The following SOX5 variants were observed in gnomAD, a reference collection of about 807,000 sequenced individuals.
The protein encoded by SOX5 is transcription factor SOX-5.
SOX5 carries 9 observed loss-of-function variants against 92.0 expected under a neutral mutation model. The observed-to-expected ratio is 0.10, with a 90% confidence interval of 0.06 to 0.17. The LOEUF is 0.17. SOX5 is among the 10% of genes least tolerant of loss of function. SOX5 has a pLI of 1.00. For missense variants in SOX5, 642 were observed against 944.5 expected, an observed-to-expected ratio of 0.68 and a Z score of 4.20; for synonymous variants, 344 against 336.3, an observed-to-expected ratio of 1.02 and a Z score of -0.25.
intron 3 of SOX5, chr12:24,213,419 T>TAAAAAAAAA (rs67296842): frequency 1.2e-4 from 12 of 96,852 alleles, no homozygotes; most frequent in Admixed American, 3.5e-4. Flanking sequence ...CTTGAAATGC[T>TAAAAAAAAA]AAAAAAAAAA....
intron 9 of SOX5, among the ~76,000 whole-genome samples, chr12:23,579,276 C>T (rs570081751): frequency 7.2e-5 from 11 of 152,032 alleles, no homozygotes; most frequent in Non-Finnish European, 1.3e-4. Context: ...AGTGCAAGGC[C>T]CCAAGGACAT....
At chr12:24,297,689 C>G (rs1244028947) in intron 2 of SOX5, among the ~76,000 whole-genome samples, 1 of 152,214 alleles carries the variant, frequency 6.6e-6, no homozygotes, top group Non-Finnish European at 1.5e-5. Context: ...TCAGGAACTA[C>G]TGCACTATGG....
At chr12:23,852,483 G>GT (rs1229033065) in intron 2 of SOX5, among the ~76,000 whole-genome samples, 2 of 151,780 alleles carry the variant, frequency 1.3e-5, no homozygotes, top group Non-Finnish European at 1.5e-5. Context: ...ACTCTTTAAT[G>GT]TTTTTTTCAA....
intron 1 of SOX5, among the ~76,000 whole-genome samples, chr12:24,511,713 C>T (rs1949322851): frequency 6.6e-6 from 1 of 152,048 alleles, no homozygotes; most frequent in South Asian, 2.1e-4. Flanking sequence ...AATCCCAGCA[C>T]TTTGGGAGGC....
chr12:24,248,173 C>G (rs1939273070), intron 3 of SOX5, among the ~76,000 whole-genome samples: 1 of 152,148 alleles, frequency 6.6e-6, no homozygotes, highest in African/African-American at 2.4e-5. Flanking sequence ...ACAGGATTTT[C>G]TAGAAATACA....
chr12:23,845,065 G>A (rs1378113653), intron 3 of SOX5, among the ~76,000 whole-genome samples: 2 of 152,178 alleles, frequency 1.3e-5, no homozygotes, highest in African/African-American at 4.8e-5. Flanking sequence ...CAGGATAACA[G>A]AATTTTGTGT....
At chr12:24,189,098 G>GTGTC (rs1956279732) in intron 4 of SOX5, among the ~76,000 whole-genome samples, 1 of 152,068 alleles carries the variant, frequency 6.6e-6, no homozygotes, top group Admixed American at 6.6e-5. Context: ...TTTCCCATGT[G>GTGTC]TGTCTGTCTG....
At chr12:24,278,538 C>A (rs969476613) in intron 2 of SOX5, among the ~76,000 whole-genome samples, 1 of 152,030 alleles carries the variant, frequency 6.6e-6, no homozygotes, top group African/African-American at 2.4e-5. Flanking sequence ...CACTGAGACT[C>A]CAGCTCTACA....
Position 24,389,365 on chromosome 12 carries a change from A to G in SOX5, c.-250-20726T>C, listed in dbSNP as rs564008625. ...TTAATCCAGTCTATCATTGTTGGAC[A>G]TTTGGGTTGGTTCCAAGTCTTTGCT... On this transcript the variant is annotated intron_variant, in intron 1 of 4. Coordinates refer to the SOX5 transcript ENST00000446891. 2.6e-5 allele frequency among the ~76,000 whole-genome samples: 4 copies of G among 152,274 alleles called. No individual in the cohort carries two copies. The East Asian group carries it at 7.7e-4, about 29-fold the overall frequency.
chr12:23,919,063 T>C (rs775399816), intron 1 of SOX5, among the ~76,000 whole-genome samples: 4 of 151,898 alleles, frequency 2.6e-5, no homozygotes, highest in African/African-American at 4.8e-5. Flanking sequence ...GAAAGGTAAT[T>C]AATAGGTAAT....
chr12:23,578,347 G>A (rs1340908581), intron 9 of SOX5, among the ~76,000 whole-genome samples: 1 of 150,246 alleles, frequency 6.7e-6, no homozygotes, highest in Non-Finnish European at 1.5e-5. Context: ...TGTTAGAAAG[G>A]CAAATTCTCT....
intron 1 of SOX5, among the ~76,000 whole-genome samples, chr12:24,446,331 T>C (rs1941472590): frequency 1.3e-5 from 2 of 152,104 alleles, no homozygotes; most frequent in Non-Finnish European, 2.9e-5. Context: ...CAAGCTGTTA[T>C]TTGAGCTAAG....
intron 4 of SOX5, among the ~76,000 whole-genome samples, chr12:24,101,123 C>T (rs12301847): frequency 0.039 from 5,888 of 152,174 alleles, 320 homozygotes; most frequent in African/African-American, 0.11. Flanking sequence ...TAAAATCCTT[C>T]AATAATGTCT....
chr12:24,489,587 T>C (rs1262900760), intron 1 of SOX5, among the ~76,000 whole-genome samples: 1 of 152,040 alleles, frequency 6.6e-6, no homozygotes, highest in Non-Finnish European at 1.5e-5. Flanking sequence ...CGATTTCACT[T>C]GACAAAAATC....
intron 6 of SOX5, among the ~76,000 whole-genome samples, chr12:23,712,007 G>A (rs918870357): frequency 1.2e-4 from 18 of 152,164 alleles, no homozygotes; most frequent in Admixed American, 4.6e-4. Flanking sequence ...TGAGGAGAAT[G>A]AGTAAATTGC....
chr12:24,523,716 TTCA>T (rs970851393), intron 1 of SOX5, among the ~76,000 whole-genome samples: 4 of 152,156 alleles, frequency 2.6e-5, no homozygotes, highest in Admixed American at 6.6e-5. Context: ...ATACACTTGT[TTCA>T]TATCAGACAC....
intron 1 of SOX5, among the ~76,000 whole-genome samples, chr12:24,473,520 GT>G (rs1945029121): frequency 1.3e-5 from 2 of 152,202 alleles, no homozygotes; most frequent in Admixed American, 1.3e-4. Flanking sequence ...ATCTCCATTT[GT>G]GAAACTTCAC....
intron 1 of SOX5, among the ~76,000 whole-genome samples, chr12:24,529,872 T>C (rs1951025757): frequency 6.6e-6 from 1 of 151,862 alleles, no homozygotes; most frequent in African/African-American, 2.4e-5. Flanking sequence ...TACAAAAAAT[T>C]AGCTAGGCGT....
At chr12:24,048,110 A>G (rs1957224621) in intron 4 of SOX5, among the ~76,000 whole-genome samples, 2 of 152,212 alleles carry the variant, frequency 1.3e-5, no homozygotes, top group African/African-American at 2.4e-5. Flanking sequence ...GAAAGTTACT[A>G]TATGATCAGC....
Sources: gnomAD v4.1 joint callset for allele counts (sites outside exome capture counted in the v4.1 genomes callset) on GRCh38, gnomAD v4.1.1 for gene constraint, MANE v1.5 for transcripts, NCBI Gene and HGNC (gene_info 2026-07-23, HGNC 2026-07-21) for gene names.